DNAJB9: variants seen among roughly 807,000 people sequenced by gnomAD.
The protein encoded by DNAJB9 is dnaJ homolog subfamily B member 9.
A neutral mutation model predicts 19.2 loss-of-function variants in DNAJB9; 12 were observed. The ratio of observed to expected loss-of-function variants is 0.62; its 90% CI spans 0.40 to 1.01. The LOEUF is 1.01. DNAJB9 is among the 50% of genes least tolerant of loss of function. The pLI is 0.00. For synonymous variants in DNAJB9, 83 were observed against 84.0 expected, an observed-to-expected ratio of 0.99 and a Z score of 0.07; for missense variants, 272 against 261.1, an observed-to-expected ratio of 1.04 and a Z score of -0.29.
chr7:108,571,796 T>A lies in DNAJB9; in HGVS notation c.70T>A (p.Ser24Thr). 6.2e-7 allele frequency: 1 copy of A among 1,614,182 alleles called. No individual in the cohort carries two copies. The highest frequency in any genetic ancestry group is 8.5e-7 in the Non-Finnish European group (1 of 1,180,022). ...AATGATAACAGAATTAATTCTGGCC[T>A]CAAAAAGCTACTATGATATCTTAGG... The part of the protein sequence containing the change: ...ILMITELILA[S>T]KSYYDILGVP... The change falls in exon 2 of 3, where the codon TCA (serine) becomes ACA (threonine). Residue 24 changes from serine to threonine, a missense_variant. Transcript: ENST00000249356.
Position 108,571,800 on chromosome 7 carries a change from A to G in DNAJB9, c.74A>G (p.Lys25Arg), listed in dbSNP as rs1564014300. Reference sequence around the variant, plus strand: ...ATAACAGAATTAATTCTGGCCTCAAAAAGCTACTATGATATCTTAGGTGTG... The same window carrying G: ...ATAACAGAATTAATTCTGGCCTCAAGAAGCTACTATGATATCTTAGGTGTG... ...LMITELILAS[K>R]SYYDILGVPK... is the part of the protein sequence containing the mutation. The change falls in exon 2 of 3, where the codon AAA becomes AGA. Residue 25 changes from lysine (K) to arginine (R), a missense_variant. Physicochemically the swap from Lys to Arg is conservative, Grantham distance 26. Coordinates refer to ENST00000249356, the MANE Select transcript of DNAJB9 (RefSeq NM_012328.3). 6.2e-7 allele frequency: 1 copy of G among 1,614,176 alleles called. No homozygotes were observed. The highest frequency in any genetic ancestry group is 1.7e-5 in the Admixed American group (1 of 60,028).
rs181583509 is a variant in DNAJB9, at chr7:108,571,424, A to C, written c.-10-293A>C. Among the ~76,000 whole-genome samples, 379 of 152,102 alleles carry C rather than the reference A, an allele frequency of 2.5e-3. 2 individuals carry two copies. Among genetic ancestry groups the C allele is most frequent in the African/African-American group, 8.6e-3 (357 of 41,482 alleles). ...TTCTTACAATGCTTGCATATGATGA[A>C]TCTTCAATATAAACTGGTTAAAAGT... is the stretch of plus-strand genomic sequence containing the variant. On this transcript the variant is annotated intron_variant, in intron 1 of 2. Coordinates refer to ENST00000249356, the MANE Select transcript of DNAJB9 (RefSeq NM_012328.3).
rs1215571766 is a variant in DNAJB9 at position 108,572,066 on chromosome 7, TA to T, written c.217+124del. On this transcript the variant is annotated intron_variant, in intron 2 of 2. Transcript: ENST00000249356. ...AGGTGGAGTGGGATTTATGTATAAA[TA>T]TTGGGTGATTCTCTGAGATTATTTT... 3 of 808,714 alleles carry T rather than the reference TA, an allele frequency of 3.7e-6. No homozygotes were observed. The East Asian group carries it at 8.1e-5, about 22-fold the overall frequency. 50.1% of individuals were successfully genotyped at this position (808,714 alleles called of 1,614,324 possible). A position where few individuals can be genotyped will look rare whatever the true frequency, so the allele number is the denominator to read the frequency against.
At chr7:108,570,421 G>A (rs181132718) in intron 1 of DNAJB9, among the ~76,000 whole-genome samples, 1 of 152,282 alleles carries the variant, frequency 6.6e-6, no homozygotes, top group East Asian at 1.9e-4. Context: ...GCCGCCCACC[G>A]AGGCTGGGGA....
At position 108,574,633 on chromosome 7, in the gene DNAJB9, T is replaced by C. The variant is rs1042779390; in HGVS notation, c.*1280T>C. On this transcript the variant is annotated 3_prime_UTR_variant, in exon 3 of 3. Coordinates refer to ENST00000249356, the MANE Select transcript of DNAJB9 (RefSeq NM_012328.3). ...GATCTTTTTAATTATAATTTTGTTG[T>C]ATTTGTTTCCTAGGAGCAAGTGTTC... 2.6e-5 allele frequency: 4 copies of C among 152,222 alleles called. No homozygotes were observed. Among genetic ancestry groups the C allele is most frequent in the East Asian group, 1.9e-4 (1 of 5,208 alleles). The allele number at this position is 152,222 out of a possible 1,614,324, so 9.4% of individuals were successfully genotyped here. A position where few individuals can be genotyped will look rare whatever the true frequency, so the allele number is the denominator to read the frequency against.
rs1172664730 is a variant in DNAJB9 at position 108,573,036 on chromosome 7, T to C, written c.355T>C (p.Phe119Leu). ...ATTTAACTTCAATTTTGATGACTTA[T>C]TTAAAGACTTTGGCTTTTTTGGTCA... ...QSFNFNFDDL[F>L]KDFGFFGQNQ... The change falls in exon 3 of 3, where the codon TTT (phenylalanine) becomes CTT (leucine). Residue 119 changes from phenylalanine (F) to leucine (L), a missense_variant. By Grantham distance (22) the Phe-to-Leu change is conservative (BLOSUM62 0). Coordinates refer to ENST00000249356, the MANE Select transcript of DNAJB9 (RefSeq NM_012328.3). 2 of 1,613,980 alleles carry C rather than the reference T, an allele frequency of 1.2e-6. No individual in the cohort carries two copies. The highest frequency in any genetic ancestry group is 8.5e-7 in the Non-Finnish European group (1 of 1,179,966).
Position 108,574,062 on chromosome 7 carries a change from C to A in DNAJB9, c.*709C>A, listed in dbSNP as rs1412466511. The A allele has an allele frequency of 6.6e-6, 1 of 152,498 alleles. No homozygotes were observed. Among genetic ancestry groups the A allele is most frequent in the African/African-American group, 2.4e-5 (1 of 41,410 alleles). The allele number at this position is 152,498 out of a possible 1,614,324, so 9.4% of individuals were successfully genotyped here. A position where few individuals can be genotyped will look rare whatever the true frequency, so the allele number is the denominator to read the frequency against. On this transcript the variant is annotated 3_prime_UTR_variant, in exon 3 of 3. Transcript: ENST00000249356. The stretch of plus-strand genomic sequence containing the variant: ...GTTGAAATCATAGCTACTTACATAG[C>A]TTTTTCATATTTCTTTCTTAGTTGT...
rs1368653320 is a variant in DNAJB9, at chr7:108,573,740, A to G, written c.*387A>G. The G allele has an allele frequency of 1.3e-5, 2 of 159,066 alleles. No individual in the cohort carries two copies. The highest frequency in any genetic ancestry group is 1.9e-4 in the East Asian group (1 of 5,394). The allele number at this position is 159,066 out of a possible 1,614,324, so 9.9% of individuals were successfully genotyped here. The stretch of plus-strand genomic sequence containing the variant: ...TGATTTTTGCAGTGAAACCTTTACT[A>G]ATTCAAAGTTGCATGTTCTATGACA... On this transcript the variant is annotated 3_prime_UTR_variant, in exon 3 of 3. Transcript: ENST00000249356.
At chr7:108,571,646 G>A (rs1243824513) in intron 1 of DNAJB9, 71 bp from the exon 2 acceptor site, 16 of 1,289,948 alleles carry the variant, frequency 1.2e-5, no homozygotes, top group Admixed American at 2.3e-5. Context: ...CCTTGTGTTG[G>A]ATTTCTTTTA....
chr7:108,572,688 CTGA>C (rs1392783076), intron 2 of DNAJB9, among the ~76,000 whole-genome samples: 1 of 152,080 alleles, frequency 6.6e-6, no homozygotes, highest in African/African-American at 2.4e-5. Flanking sequence ...GTGCCAACTG[CTGA>C]TAACTCAGCA....
intron 1 of DNAJB9, among the ~76,000 whole-genome samples, chr7:108,571,362 A>G (rs964189826): frequency 1.3e-5 from 2 of 151,900 alleles, no homozygotes; most frequent in African/African-American, 4.8e-5. Flanking sequence ...TCTTGAAAGG[A>G]AAGTTGGGAT....
intron 1 of DNAJB9, among the ~76,000 whole-genome samples, chr7:108,571,116 C>T (rs1450735307): frequency 6.6e-6 from 1 of 152,076 alleles, no homozygotes; most frequent in Non-Finnish European, 1.5e-5. Flanking sequence ...CATTTGGGAT[C>T]TTACATTTGG....
chr7:108,574,346 A>T lies in DNAJB9; in HGVS notation c.*993A>T, dbSNP rs1434287507. 6.6e-6 allele frequency: 1 copy of T among 152,646 alleles called. No homozygotes were observed. Among genetic ancestry groups the T allele is most frequent in the African/African-American group, 2.4e-5 (1 of 41,450 alleles). The allele number at this position is 152,646 out of a possible 1,614,324, so 9.5% of individuals were successfully genotyped here. ...GTATTAATCCTATGGATACATATTA[A>T]AACAAGTGTCTCATACAACATTGTA... On this transcript the variant is annotated 3_prime_UTR_variant, in exon 3 of 3. Coordinates refer to ENST00000249356, the MANE Select transcript of DNAJB9 (RefSeq NM_012328.3).
In DNAJB9 at chr7:108,571,859, G is replaced by A. The variant is rs778871720; in HGVS notation, c.133G>A (p.Ala45Thr). The change falls in exon 2 of 3, where the codon GCC becomes ACC. Residue 45 changes from alanine to threonine, a missense_variant. By Grantham distance (58) the Ala-to-Thr change is moderately conservative. Coordinates refer to ENST00000249356, the MANE Select transcript of DNAJB9 (RefSeq NM_012328.3). ...GGCATCAGAGCGCCAAATCAAGAAG[G>A]CCTTTCACAAGTTGGCCATGAAGTA... is the stretch of plus-strand genomic sequence containing the variant. ...KSASERQIKK[A>T]FHKLAMKYHP... The A allele has an allele frequency of 1.8e-5, 29 of 1,614,012 alleles. No homozygotes were observed. The highest frequency in any genetic ancestry group is 9.9e-5 in the South Asian group (9 of 91,088).
At chr7:108,572,589 G>A (rs1314184374) in intron 2 of DNAJB9, among the ~76,000 whole-genome samples, 1 of 152,138 alleles carries the variant, frequency 6.6e-6, no homozygotes, top group African/African-American at 2.4e-5. Context: ...CGAATAATAT[G>A]AAGATTAAAG....
chr7:108,573,025 T>C lies in DNAJB9; in HGVS notation c.344T>C (p.Phe115Ser), dbSNP rs148642453. 6 of 1,614,044 alleles carry C rather than the reference T, an allele frequency of 3.7e-6. No homozygotes were observed. The highest frequency in any genetic ancestry group is 5.1e-6 in the Non-Finnish European group (6 of 1,179,960). The change falls in exon 3 of 3, where the codon TTT becomes TCT. Residue 115 changes from phenylalanine (F) to serine (S), a missense_variant. Coordinates refer to ENST00000249356, the MANE Select transcript of DNAJB9 (RefSeq NM_012328.3). ...TTTGAGCAGTCATTTAACTTCAATT[T>C]TGATGACTTATTTAAAGACTTTGGC... ...SSFEQSFNFN[F>S]DDLFKDFGFF...
At chr7:108,572,014 T>C (rs1185122592) in intron 2 of DNAJB9, 71 bp downstream of exon 2, 12 of 1,495,982 alleles carry the variant, frequency 8.0e-6, no homozygotes, top group African/African-American at 1.4e-5. Flanking sequence ...AAGAAGTGTT[T>C]GTATTTGAAG....
intron 1 of DNAJB9, among the ~76,000 whole-genome samples, chr7:108,570,573 C>G (rs1200273609): frequency 6.6e-6 from 1 of 152,162 alleles, no homozygotes; most frequent in East Asian, 1.9e-4. Context: ...GAGGCGCCTC[C>G]CTGTCAGTTT....
At chr7:108,570,525 C>A (rs1361961716) in intron 1 of DNAJB9, among the ~76,000 whole-genome samples, 2 of 152,116 alleles carry the variant, frequency 1.3e-5, no homozygotes, top group Non-Finnish European at 2.9e-5. Context: ...CATTAGATGT[C>A]CACCTTGAGA....
Sources: gnomAD v4.1 joint callset for allele counts (sites outside exome capture counted in the v4.1 genomes callset) on GRCh38, gnomAD v4.1.1 for gene constraint, MANE v1.5 for transcripts, NCBI Gene and HGNC (gene_info 2026-07-23, HGNC 2026-07-21) for gene names.